The following PREX1 variants were observed in gnomAD, a reference collection of about 807,000 sequenced individuals.
PREX1 encodes the protein phosphatidylinositol 3,4,5-trisphosphate-dependent Rac exchanger 1 protein.
PREX1 carries 41 observed loss-of-function variants against 198.3 expected under a neutral mutation model. The observed-to-expected ratio is 0.21, with a 90% CI of 0.16 to 0.27. The LOEUF is 0.27. PREX1 is among the 10% of genes least tolerant of loss of function. The pLI is 1.00. For synonymous variants in PREX1, 843 were observed against 887.2 expected (o/e 0.95, Z 0.89); for missense variants, 1,620 against 2,200.7 (o/e 0.74, Z 5.28).
At chr20:48,651,192 G>A (rs1423039548) in intron 22 of PREX1, 137 bp from the exon 23 acceptor site, 2 of 1,291,936 alleles carry the variant, frequency 1.5e-6, no homozygotes, top group Non-Finnish European at 2.1e-6. Flanking sequence ...TTGCACGGGA[G>A]TAAACTGAGG....
intron 7 of PREX1, 75 bp from the exon 8 acceptor site, chr20:48,692,865 G>A (rs2089826681): frequency 8.0e-7 from 1 of 1,255,518 alleles, no homozygotes; most frequent in Non-Finnish European, 1.2e-6. Flanking sequence ...GCGCAAAGGG[G>A]AACACAACAC....
Position 48,692,601 on chromosome 20 carries a change from T to C in PREX1, c.1036+71A>G, listed in dbSNP as rs2089825029. On this transcript the variant is annotated intron_variant, in intron 8 of 39. Transcript: ENST00000371941. ...GATAAAAGAAAAAAATATATTTAAA[T>C]GAAACAGAGAGAGTGCCAGGGAGCA... 1.9e-5 allele frequency: 24 copies of C among 1,263,752 alleles called. 1 individual carries two copies. The South Asian group carries it at 2.9e-4, about 15-fold the overall frequency. 78.3% of individuals were successfully genotyped at this position (1,263,752 alleles called of 1,614,324 possible).
intron 1 of PREX1, among the ~76,000 whole-genome samples, chr20:48,802,039 T>A (rs2090389559): frequency 6.6e-6 from 1 of 152,218 alleles, no homozygotes; most frequent in Non-Finnish European, 1.5e-5. Context: ...CCTGTGCAAC[T>A]GTGAGCTAAA....
At position 48,637,736 on chromosome 20, in the gene PREX1, C is replaced by A. The variant is rs770024696; in HGVS notation, c.3921G>T (p.Leu1307=). The change falls in exon 31 of 40, where the codon CTG becomes CTT. Residue 1307 remains leucine, a synonymous_variant. Transcript: ENST00000371941. ...QRYVEDGKNQ[L]LLALLKCTDT... Reference sequence around the variant, plus strand: ...CTGTGCACTTCAGCAAGGCCAGGAGCAGCTGGTTCTTCCCATCTGGAAGGA... The same window carrying A: ...CTGTGCACTTCAGCAAGGCCAGGAGAAGCTGGTTCTTCCCATCTGGAAGGA... 2 of 1,612,304 alleles carry A rather than the reference C, an allele frequency of 1.2e-6. No individual in the cohort carries two copies. The highest frequency in any genetic ancestry group is 2.7e-5 in the African/African-American group (2 of 74,894).
chr20:48,807,306 G>GC (rs548829517), intron 1 of PREX1, among the ~76,000 whole-genome samples: 1 of 150,838 alleles, frequency 6.6e-6, no homozygotes, highest in Non-Finnish European at 1.5e-5. Context: ...CCTTTTTTGT[G>GC]TTTTTTTTTC....
intron 25 of PREX1, 150 bp downstream of exon 25, chr20:48,649,150 G>A (rs577121903): frequency 8.6e-7 from 1 of 1,164,300 alleles, no homozygotes; most frequent in African/African-American, 1.6e-5. Flanking sequence ...GCAGCTAGTG[G>A]ATAGACGAAA....
the PREX1 span, among the ~76,000 whole-genome samples, chr20:48,855,343 C>CT: frequency 6.6e-6 from 1 of 152,014 alleles, no homozygotes; most frequent in Non-Finnish European, 1.5e-5. Context: ...TTTTAATAAT[C>CT]TTGATTTCTG....
intron 1 of PREX1, among the ~76,000 whole-genome samples, chr20:48,764,176 C>G (rs1358668527): frequency 6.6e-6 from 1 of 152,204 alleles, no homozygotes; most frequent in Non-Finnish European, 1.5e-5. Flanking sequence ...GAAGAAACTT[C>G]TGTCCCTGGA....
intron 1 of PREX1, among the ~76,000 whole-genome samples, chr20:48,779,050 T>C (rs553405839): frequency 1.3e-5 from 2 of 152,166 alleles, no homozygotes; most frequent in South Asian, 2.1e-4. Flanking sequence ...CAAAATACAC[T>C]GTCAAGAGAA....
chr20:48,743,669 T>A (rs1296002941), intron 3 of PREX1, among the ~76,000 whole-genome samples: 7 of 152,270 alleles, frequency 4.6e-5, no homozygotes, highest in African/African-American at 1.7e-4. Flanking sequence ...AGGCTCCTTG[T>A]ATTATCTTGC....
intron 23 of PREX1, 51 bp downstream of exon 23, chr20:48,650,843 A>AT: frequency 6.3e-7 from 1 of 1,590,958 alleles, no homozygotes; most frequent in Non-Finnish European, 8.6e-7. Flanking sequence ...CCAGGCTGAG[A>AT]TGCTATGTCT....
intron 1 of PREX1, among the ~76,000 whole-genome samples, chr20:48,782,219 A>T (rs2122926964): frequency 6.6e-6 from 1 of 152,324 alleles, no homozygotes; most frequent in African/African-American, 2.4e-5. Context: ...TGTAGCTCTC[A>T]TAATTCCCAT....
intron 1 of PREX1, among the ~76,000 whole-genome samples, chr20:48,763,990 G>T (rs896218648): frequency 6.6e-6 from 1 of 152,224 alleles, no homozygotes; most frequent in African/African-American, 2.4e-5. Flanking sequence ...CTCAGAGCAT[G>T]CAGCTAAGCA....
intron 5 of PREX1, among the ~76,000 whole-genome samples, chr20:48,713,513 T>C (rs1481052017): frequency 6.6e-6 from 1 of 151,820 alleles, no homozygotes; most frequent in East Asian, 1.9e-4. Context: ...AAAAGAATTG[T>C]AGGCGGTGGC....
At chr20:48,705,145 G>A (rs368830644) in intron 6 of PREX1, among the ~76,000 whole-genome samples, 56 of 152,360 alleles carry the variant, frequency 3.7e-4, no homozygotes, top group African/African-American at 1.2e-3. Flanking sequence ...GACCCATGAC[G>A]GGGGTACTCC....
At chr20:48,736,329 C>T (rs1212147262) in intron 3 of PREX1, among the ~76,000 whole-genome samples, 2 of 152,170 alleles carry the variant, frequency 1.3e-5, no homozygotes, top group African/African-American at 4.8e-5. Context: ...AATCTTGATG[C>T]ATATTCCAAG....
intron 1 of PREX1, among the ~76,000 whole-genome samples, chr20:48,800,897 C>G (rs539529970): frequency 2.0e-4 from 31 of 152,154 alleles, no homozygotes; most frequent in African/African-American, 6.7e-4. Context: ...CTCAAGCAAT[C>G]CTCCCGCCAT....
intron 1 of PREX1, among the ~76,000 whole-genome samples, chr20:48,787,870 T>G (rs994971332): frequency 2.0e-5 from 3 of 152,168 alleles, no homozygotes; most frequent in African/African-American, 7.2e-5. Context: ...CACCAGATGC[T>G]GGAGGAGGGA....
chr20:48,659,376 G>A (rs2089572827), intron 16 of PREX1, among the ~76,000 whole-genome samples: 1 of 151,418 alleles, frequency 6.6e-6, no homozygotes. Context: ...GGGGAGGGGA[G>A]GGGAGTGAGA....
Sources: allele counts gnomAD v4.1 joint callset (sites outside exome capture counted in the v4.1 genomes callset), GRCh38; gene constraint gnomAD v4.1.1; transcripts MANE v1.5; gene names NCBI Gene and HGNC (gene_info 2026-07-23, HGNC 2026-07-21).